The following ZFHX3 variants were observed in gnomAD, a reference collection of about 807,000 sequenced individuals.
The protein encoded by ZFHX3 is zinc finger homeobox protein 3.
A neutral mutation model predicts 279.1 loss-of-function variants in ZFHX3; 42 were observed. The observed-to-expected ratio is 0.15, with a 90% CI of 0.12 to 0.19. The LOEUF is 0.19. Ranked by LOEUF, ZFHX3 falls within the 10% of genes least tolerant of loss-of-function variation. ZFHX3 has a pLI of 1.00. For synonymous variants in ZFHX3, 2,293 were observed against 1,957.8 expected, an observed-to-expected ratio of 1.17 and a Z score of -4.52; for missense variants, 4,981 against 4,754.0, an observed-to-expected ratio of 1.05 and a Z score of -1.40.
In ZFHX3 at chr16:72,797,626, C is replaced by G. The variant is rs1442872259; in HGVS notation, c.5056G>C (p.Glu1686Gln). The G allele has an allele frequency of 2.5e-6, 4 of 1,614,106 alleles. No individual in the cohort carries two copies. Among genetic ancestry groups the G allele is most frequent in the Non-Finnish European group, 2.5e-6 (3 of 1,180,046 alleles). Residue 1686 changes from glutamate to glutamine, a missense_variant, in exon 9 of 10, where the codon GAG (glutamate) becomes CAG (glutamine). Glu to Gln is a conservative substitution (Grantham distance 29, BLOSUM62 2). Around this residue, in one of 7 missense-constraint regions of ZFHX3, gnomAD observed 1,751 missense variants for 1,770.0 expected, o/e 0.99. Coordinates refer to ENST00000268489, the MANE Select transcript of ZFHX3 (RefSeq NM_006885.4). ...CCCAGGGGTGGCATCCCTACACTCT[C>G]AGTGGGCACTTGGCTTAGTAAGTTA... is the stretch of plus-strand genomic sequence containing the variant. ...SSNLLSQVPT[E>Q]SVGMPPLGNP...
At chr16:73,616,062 G>A (rs1003690034) in intron 2 of ZFHX3, among the ~76,000 whole-genome samples, 1 of 151,976 alleles carries the variant, frequency 6.6e-6, no homozygotes, top group African/African-American at 2.4e-5. Context: ...GAAAGATCCG[G>A]AGGGTATTGT....
chr16:73,703,418 A>T (rs1351060809), intron 1 of ZFHX3, among the ~76,000 whole-genome samples: 1 of 152,104 alleles, frequency 6.6e-6, no homozygotes, highest in Non-Finnish European at 1.5e-5. Context: ...GATATATATT[A>T]ATTAGCCAAT....
At chr16:73,572,648 G>A (rs1483326029) in intron 2 of ZFHX3, among the ~76,000 whole-genome samples, 1 of 152,206 alleles carries the variant, frequency 6.6e-6, no homozygotes, top group African/African-American at 2.4e-5. Context: ...AAGCCTGTCT[G>A]TCATGGTGAA....
intron 7 of ZFHX3, chr16:73,126,624 CCA>C (rs1370402837): frequency 1.3e-5 from 2 of 152,206 alleles, no homozygotes; most frequent in Non-Finnish European, 2.9e-5. Flanking sequence ...TGTACCACTC[CCA>C]CACACTGCAG....
intron 1 of ZFHX3, among the ~76,000 whole-genome samples, chr16:72,985,052 C>T (rs1237718444): frequency 2.0e-5 from 3 of 152,110 alleles, no homozygotes; most frequent in Admixed American, 2.0e-4. Context: ...ACCAACACGC[C>T]CCCACAGGCA....
chr16:73,793,685 C>A (rs907930866), intron 1 of ZFHX3, among the ~76,000 whole-genome samples: 5 of 152,142 alleles, frequency 3.3e-5, no homozygotes, highest in African/African-American at 1.2e-4. Context: ...CCTAATACAG[C>A]ATCTATTTTT....
At chr16:73,443,689 G>T (rs1261102103) in intron 3 of ZFHX3, among the ~76,000 whole-genome samples, 1 of 152,048 alleles carries the variant, frequency 6.6e-6, no homozygotes, top group East Asian at 1.9e-4. Flanking sequence ...TATGGATATG[G>T]AGAATAATGA....
chr16:73,327,688 C>G (rs191869941), intron 3 of ZFHX3, among the ~76,000 whole-genome samples: 80 of 152,360 alleles, frequency 5.3e-4, no homozygotes, highest in Non-Finnish European at 1.0e-3. Flanking sequence ...AACTTTATGT[C>G]AAGAAGCTTA....
At position 73,129,379 on chromosome 16, in the gene ZFHX3, G is replaced by GACACACACACACACACAC. The variant is rs59666622; in HGVS notation, c.-897+1571_-897+1588dup. Among the ~76,000 whole-genome samples, 1,334 of 137,880 alleles carry GACACACACACACACACAC rather than the reference G, an allele frequency of 9.7e-3. 14 individuals are homozygous for GACACACACACACACACAC. The highest frequency in any genetic ancestry group is 0.033 in the East Asian group (149 of 4,448). 90.5% of individuals were successfully genotyped at this position (137,880 alleles called of 152,430 possible). A position where few individuals can be genotyped will look rare whatever the true frequency, so the allele number is the denominator to read the frequency against. ...CTCCAGCCTGGGTGGCAGAGACTCT[G>GACACACACACACACACAC]ACACACACACACACACACACACACA... On this transcript the variant is annotated intron_variant, in intron 7 of 17. Coordinates refer to the ZFHX3 transcript ENST00000641206.
intron 8 of ZFHX3, among the ~76,000 whole-genome samples, chr16:73,084,547 G>T (rs1217978205): frequency 8.0e-6 from 1 of 124,898 alleles, no homozygotes; most frequent in African/African-American, 3.1e-5. Context: ...TTGAGATGGA[G>T]TCTTGCTCTG....
intron 1 of ZFHX3, among the ~76,000 whole-genome samples, chr16:72,970,286 T>C (rs908183121): frequency 4.6e-5 from 7 of 151,860 alleles, no homozygotes; most frequent in Non-Finnish European, 1.0e-4. Flanking sequence ...CCCATGAATA[T>C]AATAATAAAA....
chr16:73,293,980 A>G (rs540168240), intron 4 of ZFHX3: 4 of 139,716 alleles, frequency 2.9e-5, no homozygotes, highest in Admixed American at 1.4e-4. Flanking sequence ...TTCTAAGTCA[A>G]TATGCCAAAA....
chr16:72,937,033 C>A (rs1960160531), intron 3 of ZFHX3, among the ~76,000 whole-genome samples: 1 of 152,124 alleles, frequency 6.6e-6, no homozygotes, highest in Admixed American at 6.5e-5. Flanking sequence ...TTGGGTTAAG[C>A]AAATGATATG....
intron 7 of ZFHX3, among the ~76,000 whole-genome samples, chr16:72,803,493 TA>T (rs1033180381): frequency 1.3e-5 from 2 of 152,146 alleles, no homozygotes; most frequent in Non-Finnish European, 2.9e-5. Context: ...GGCCCTCAAA[TA>T]ACTGGTCCTA....
At chr16:73,153,492 A>G (rs1966999398) in intron 5 of ZFHX3, among the ~76,000 whole-genome samples, 1 of 152,070 alleles carries the variant, frequency 6.6e-6, no homozygotes, top group Non-Finnish European at 1.5e-5. Flanking sequence ...GCCTCAACAC[A>G]TTAACTCCAG....
At chr16:73,329,374 G>A (rs2015755133) in intron 3 of ZFHX3, among the ~76,000 whole-genome samples, 1 of 152,342 alleles carries the variant, frequency 6.6e-6, no homozygotes, top group Admixed American at 6.5e-5. Flanking sequence ...CTATATTTTC[G>A]AGTTTCACTC....
At chr16:72,878,272 A>G (rs2038369566) in intron 4 of ZFHX3, among the ~76,000 whole-genome samples, 1 of 152,260 alleles carries the variant, frequency 6.6e-6, no homozygotes, top group Non-Finnish European at 1.5e-5. Flanking sequence ...CATTATTGCC[A>G]TAAAAACATG....
chr16:73,216,760 C>T (rs978358223), intron 5 of ZFHX3, among the ~76,000 whole-genome samples: 4 of 150,180 alleles, frequency 2.7e-5, no homozygotes, highest in African/African-American at 4.9e-5. Flanking sequence ...AAGAGTCCAT[C>T]GCAAAAAAGA....
At chr16:73,324,540 T>C (rs1567450758) in intron 3 of ZFHX3, among the ~76,000 whole-genome samples, 1 of 152,168 alleles carries the variant, frequency 6.6e-6, no homozygotes, top group Non-Finnish European at 1.5e-5. Context: ...CCTATGAGCT[T>C]TCTCATTACA....
Sources: gnomAD v4.1 joint callset for allele counts (sites outside exome capture counted in the v4.1 genomes callset) on GRCh38, gnomAD v4.1.1 for gene constraint, gnomAD v4.1.1 regional missense constraint, MANE v1.5 for transcripts, NCBI Gene and HGNC (gene_info 2026-07-23, HGNC 2026-07-21) for gene names.